The following ZNF507 variants were observed in gnomAD, a reference collection of about 807,000 sequenced individuals.
The protein encoded by ZNF507 is zinc finger protein 507.
Under a neutral mutation model 80.0 loss-of-function variants are expected in ZNF507, and 29 were observed. The observed-to-expected ratio is 0.36, with a 90% CI of 0.27 to 0.49. The LOEUF is 0.49. ZNF507 is among the 20% of genes least tolerant of loss of function. The probability of loss-of-function intolerance (pLI) is 0.98; values close to 1 mark genes in which losing one functional copy is unlikely to be tolerated. For missense variants in ZNF507, 1,081 were observed against 1,152.2 expected (o/e 0.94, Z 0.90); for synonymous variants, 462 against 422.5 (o/e 1.09, Z -1.15).
At chr19:32,348,948 G>C (rs374610292) in intron 2 of ZNF507, among the ~76,000 whole-genome samples, 122 of 152,258 alleles carry the variant, frequency 8.0e-4, no homozygotes, top group Middle Eastern at 3.4e-3. Flanking sequence ...CAAATGGCAC[G>C]TTGAAATGAG....
At chr19:32,346,171 C>T (rs1179087589) in intron 1 of ZNF507, among the ~76,000 whole-genome samples, 1 of 152,184 alleles carries the variant, frequency 6.6e-6, no homozygotes, top group East Asian at 1.9e-4. Context: ...CTCCCTCATT[C>T]CCGACCCATC....
At position 32,345,729 on chromosome 19, in the gene ZNF507, G is replaced by T. The variant is rs1967087590; in HGVS notation, c.-151G>T. On this transcript the variant is annotated 5_prime_UTR_variant, in exon 1 of 7. Transcript: ENST00000355898. ...AAGGACGAGGGCGAGGGCACGGCCG[G>T]GTCCTGGCTGGCCAAACGAGGCTCG... The T allele has an allele frequency of 6.5e-6, 1 of 152,734 alleles. No homozygotes were observed. Among genetic ancestry groups the T allele is most frequent in the Non-Finnish European group, 1.5e-5 (1 of 68,394 alleles). The allele number at this position is 152,734 out of a possible 1,614,324, so 9.5% of individuals were successfully genotyped here. A position where few individuals can be genotyped will look rare whatever the true frequency, so the allele number is the denominator to read the frequency against.
intron 5 of ZNF507, among the ~76,000 whole-genome samples, chr19:32,378,380 A>G (rs1250606691): frequency 6.6e-6 from 1 of 152,096 alleles, no homozygotes; most frequent in Admixed American, 6.6e-5. Flanking sequence ...AGGAGAAATA[A>G]TTGCAGTCTA....
intron 2 of ZNF507, among the ~76,000 whole-genome samples, chr19:32,352,327 GTAA>G (rs1967180397): frequency 1.3e-5 from 2 of 152,118 alleles, no homozygotes; most frequent in African/African-American, 4.8e-5. Flanking sequence ...TGTGATTTTA[GTAA>G]TAAAACTGCA....
At chr19:32,364,180 A>C (rs1967366365) in intron 5 of ZNF507, among the ~76,000 whole-genome samples, 1 of 152,094 alleles carries the variant, frequency 6.6e-6, no homozygotes, top group African/African-American at 2.4e-5. Context: ...AAAAAAAGAG[A>C]GCTGTTTTCC....
intron 4 of ZNF507, 181 bp downstream of exon 4, chr19:32,356,914 T>C (rs922402180): frequency 5.0e-6 from 3 of 595,082 alleles, no homozygotes; most frequent in Admixed American, 2.8e-5. Flanking sequence ...ATGAAGCAGA[T>C]GATTACTAGG....
rs879172606 is a variant in ZNF507 at position 32,360,391 on chromosome 19, T to C, written c.2246-113T>C. On this transcript the variant is annotated intron_variant, in intron 4 of 6. Coordinates refer to ENST00000355898, the MANE Select transcript of ZNF507 (RefSeq NM_001136156.2). The stretch of plus-strand genomic sequence containing the variant: ...TGTTAAAACAGTGAGAAAGCCGTGA[T>C]TGAAATATTAATACAACTGTGTGGT... 2.1e-5 allele frequency: 11 copies of C among 516,888 alleles called. No individual in the cohort carries two copies. In the South Asian group the frequency reaches 3.2e-4, roughly 15 times the overall value. 32.0% of individuals were successfully genotyped at this position (516,888 alleles called of 1,614,324 possible).
Position 32,383,881 on chromosome 19 carries a change from G to A in ZNF507, c.*798G>A, listed in dbSNP as rs1967655541. On this transcript the variant is annotated 3_prime_UTR_variant, in exon 7 of 7. Coordinates refer to ENST00000355898, the MANE Select transcript of ZNF507 (RefSeq NM_001136156.2). ...TCTTTTCAGTGTCTGTCAGAACTTGGCATACTTTCTCCATAGTACGTAGAC... is the reference window on the plus strand; with the variant it reads ...TCTTTTCAGTGTCTGTCAGAACTTGACATACTTTCTCCATAGTACGTAGAC... The A allele has an allele frequency of 6.6e-6, 1 of 152,164 alleles. No individual in the cohort carries two copies. The highest frequency in any genetic ancestry group is 2.1e-4 in the South Asian group (1 of 4,828). The allele number at this position is 152,164 out of a possible 1,614,324, so 9.4% of individuals were successfully genotyped here.
chr19:32,380,347 C>T (rs1967607466), intron 5 of ZNF507, among the ~76,000 whole-genome samples: 2 of 151,834 alleles, frequency 1.3e-5, no homozygotes, highest in African/African-American at 2.4e-5. Context: ...CAGAGCAAGA[C>T]CCTGTCTCAA....
At chr19:32,352,031 A>G (rs980033094) in intron 2 of ZNF507, among the ~76,000 whole-genome samples, 8 of 151,984 alleles carry the variant, frequency 5.3e-5, no homozygotes, top group African/African-American at 1.9e-4. Flanking sequence ...CAACTGGGAT[A>G]TCAATTTTTT....
At chr19:32,376,309 A>G (rs1221003898) in intron 5 of ZNF507, among the ~76,000 whole-genome samples, 1 of 152,012 alleles carries the variant, frequency 6.6e-6, no homozygotes, top group Non-Finnish European at 1.5e-5. Flanking sequence ...CGAATTTTTG[A>G]AATCAGGAAA....
At chr19:32,363,422 T>C (rs1019653709) in intron 5 of ZNF507, among the ~76,000 whole-genome samples, 10 of 152,198 alleles carry the variant, frequency 6.6e-5, no homozygotes, top group Admixed American at 5.9e-4. Context: ...CTCGTGCTTT[T>C]GCTTTTTATG....
chr19:32,370,422 A>G (rs1481136105), intron 5 of ZNF507, among the ~76,000 whole-genome samples: 1 of 152,120 alleles, frequency 6.6e-6, no homozygotes, highest in African/African-American at 2.4e-5. Flanking sequence ...TTTGTCTTTG[A>G]TAATAGTCAT....
chr19:32,372,113 A>G (rs1374479980), intron 5 of ZNF507, among the ~76,000 whole-genome samples: 1 of 152,198 alleles, frequency 6.6e-6, no homozygotes, highest in African/African-American at 2.4e-5. Context: ...TTTTCATAGG[A>G]TGGAACATTA....
chr19:32,364,947 C>G (rs539143197), intron 5 of ZNF507, among the ~76,000 whole-genome samples: 2 of 152,058 alleles, frequency 1.3e-5, no homozygotes, highest in East Asian at 3.9e-4. Flanking sequence ...TAGAAGTGTT[C>G]CTTATCGCCA....
At chr19:32,376,778 G>A (rs557351743) in intron 5 of ZNF507, among the ~76,000 whole-genome samples, 1 of 152,288 alleles carries the variant, frequency 6.6e-6, no homozygotes, top group South Asian at 2.1e-4. Flanking sequence ...AGGCTGCGCT[G>A]ATATTTATTG....
chr19:32,360,703 C>G, intron 5 of ZNF507, 85 bp downstream of exon 5: 1 of 645,748 alleles, frequency 1.5e-6, no homozygotes, highest in Non-Finnish European at 2.4e-6. Flanking sequence ...ATGTATAGCA[C>G]TTACTGAAAC....
rs938110696 is a variant in ZNF507, at chr19:32,385,867, T to C, written c.*2784T>C. On this transcript the variant is annotated 3_prime_UTR_variant, in exon 7 of 7. Transcript: ENST00000355898. ...GTAGGAATTCCTTCATAGAATAACA[T>C]GTTATTTATTGGTATTGACTTCTTA... The C allele has an allele frequency of 6.6e-6, 1 of 151,990 alleles. No individual in the cohort carries two copies. Among genetic ancestry groups the C allele is most frequent in the South Asian group, 2.1e-4 (1 of 4,822 alleles). 9.4% of individuals were successfully genotyped at this position (151,990 alleles called of 1,614,324 possible). A position where few individuals can be genotyped will look rare whatever the true frequency, so the allele number is the denominator to read the frequency against.
chr19:32,356,497 TTAAAATATGGTAATTCG>T (rs1967253739), intron 3 of ZNF507, 102 bp from the exon 4 acceptor site: 1 of 664,340 alleles, frequency 1.5e-6, no homozygotes, highest in African/African-American at 1.8e-5. Context: ...AGACTTGATT[TTAAAATATGGTAATTCG>T]TTGTACTAGG....
Sources: allele counts gnomAD v4.1 joint callset (sites outside exome capture counted in the v4.1 genomes callset), GRCh38; gene constraint gnomAD v4.1.1; transcripts MANE v1.5; gene names NCBI Gene and HGNC (gene_info 2026-07-23, HGNC 2026-07-21).